Variants in PRMT3 observed in about 807,000 individuals in gnomAD.
PRMT3 encodes the protein protein arginine N-methyltransferase 3.
Under a neutral mutation model 71.9 loss-of-function variants are expected in PRMT3, and 62 were observed. That is an observed-to-expected ratio of 0.86 (90% CI 0.70 to 1.07). PRMT3 has a LOEUF of 1.07. Ranked by LOEUF, PRMT3 falls within the 50% of genes least tolerant of loss-of-function variation. The pLI is 0.00. For missense variants in PRMT3, 663 were observed against 643.0 expected, an observed-to-expected ratio of 1.03 and a Z score of -0.34; for synonymous variants, 213 against 220.4, an observed-to-expected ratio of 0.97 and a Z score of 0.30.
intron 11 of PRMT3, among the ~76,000 whole-genome samples, chr11:20,453,927 A>T (rs1850211020): frequency 1.3e-5 from 2 of 152,170 alleles, no homozygotes; most frequent in South Asian, 4.1e-4. Flanking sequence ...GTCAGTGCTT[A>T]AAAAGTTTTA....
intron 9 of PRMT3, among the ~76,000 whole-genome samples, chr11:20,425,909 G>T (rs534684954): frequency 6.6e-6 from 1 of 152,238 alleles, no homozygotes; most frequent in East Asian, 1.9e-4. Context: ...GAAGTTAAGG[G>T]GTACAATTTC....
At chr11:20,446,406 A>G (rs560022753) in intron 10 of PRMT3, among the ~76,000 whole-genome samples, 21 of 152,118 alleles carry the variant, frequency 1.4e-4, no homozygotes, top group Admixed American at 4.6e-4. Flanking sequence ...AAAATATACA[A>G]ACGTGTATAT....
intron 10 of PRMT3, among the ~76,000 whole-genome samples, chr11:20,436,942 A>T (rs1025551152): frequency 1.3e-5 from 2 of 152,020 alleles, no homozygotes; most frequent in African/African-American, 4.8e-5. Context: ...TTTATTACAG[A>T]TTCAATCTAG....
chr11:20,387,815 C>A lies in PRMT3; in HGVS notation c.28+41C>A. Reference sequence around the variant, plus strand: ...CCTCAGCACCCGGCTCGTCCAGCCCCAGGCCGCGCCGCTGTGGGGCCGGTG... The same window carrying A: ...CCTCAGCACCCGGCTCGTCCAGCCCAAGGCCGCGCCGCTGTGGGGCCGGTG... On this transcript the variant is annotated intron_variant, in intron 1 of 15. Transcript: ENST00000331079. The surrounding 1 kb of genome is among the most constrained non-coding windows in gnomAD (Gnocchi z 4.3). 1 of 1,540,384 alleles carries A rather than the reference C, an allele frequency of 6.5e-7. No individual in the cohort carries two copies. Among genetic ancestry groups the A allele is most frequent in the Non-Finnish European group, 8.7e-7 (1 of 1,145,868 alleles).
chr11:20,457,448 G>T (rs1355072748), intron 11 of PRMT3, among the ~76,000 whole-genome samples: 1 of 152,124 alleles, frequency 6.6e-6, no homozygotes, highest in Non-Finnish European at 1.5e-5. Context: ...AAGAAGACCA[G>T]GTATTTATTT....
In PRMT3 at chr11:20,457,134, T is replaced by TTTTTG. The variant is rs1850283579; in HGVS notation, c.1073-4836_1073-4832dup. Among the ~76,000 whole-genome samples, 4 of 152,240 alleles carry TTTTTG rather than the reference T, an allele frequency of 2.6e-5. No individual in the cohort carries two copies. The South Asian group carries it at 8.3e-4, about 32-fold the overall frequency. ...TGCTTGCTTGCTTTCCTTTTTGGTG[T>TTTTTG]TTTTGTTTTGTTTTTGCCTTGTCAT... On this transcript the variant is annotated intron_variant, in intron 11 of 15. Coordinates refer to ENST00000331079, the MANE Select transcript of PRMT3 (RefSeq NM_005788.4).
chr11:20,474,127 A>G (rs558971269), intron 13 of PRMT3, among the ~76,000 whole-genome samples: 4 of 152,180 alleles, frequency 2.6e-5, no homozygotes, highest in Admixed American at 2.6e-4. Context: ...AGGTGGCTAG[A>G]GACCCCTTTT....
At position 20,397,510 on chromosome 11, in the gene PRMT3, C is replaced by G; in HGVS notation, c.561-67C>G. ...TCCCTCCCCTTTCCTCTTCCTCAACCTCTAGCCTTTCCTTTATTCATGGTC... is the reference window on the plus strand; with the variant it reads ...TCCCTCCCCTTTCCTCTTCCTCAACGTCTAGCCTTTCCTTTATTCATGGTC... On this transcript the variant is annotated intron_variant, in intron 6 of 15. Transcript: ENST00000331079. 3.9e-6 allele frequency: 6 copies of G among 1,534,556 alleles called. No homozygotes were observed. In the East Asian group the frequency reaches 1.1e-4, roughly 29 times the overall value.
intron 10 of PRMT3, among the ~76,000 whole-genome samples, chr11:20,444,346 C>T (rs4497406): frequency 0.012 from 1,763 of 152,118 alleles, 34 homozygotes; most frequent in African/African-American, 0.035. Context: ...CTCTTCTAGG[C>T]GGGATAAAGC....
At chr11:20,415,077 A>G (rs1413439039) in intron 9 of PRMT3, among the ~76,000 whole-genome samples, 1 of 151,398 alleles carries the variant, frequency 6.6e-6, no homozygotes, top group Non-Finnish European at 1.5e-5. Flanking sequence ...ATATTACAAA[A>G]TACACCAGCA....
intron 15 of PRMT3, among the ~76,000 whole-genome samples, chr11:20,504,127 G>T (rs1035168329): frequency 1.3e-5 from 2 of 152,178 alleles, no homozygotes; most frequent in Admixed American, 6.5e-5. Context: ...TGAGATTTCT[G>T]CTCAGATATT....
intron 10 of PRMT3, among the ~76,000 whole-genome samples, chr11:20,444,545 T>C (rs1408568182): frequency 6.6e-6 from 1 of 152,188 alleles, no homozygotes; most frequent in Non-Finnish European, 1.5e-5. Flanking sequence ...AATTTCTAAG[T>C]GTTAAGAAAT....
intron 13 of PRMT3, among the ~76,000 whole-genome samples, chr11:20,487,496 G>C (rs1851103046): frequency 6.6e-6 from 1 of 152,192 alleles, no homozygotes; most frequent in Non-Finnish European, 1.5e-5. Flanking sequence ...TAGGAAAAAT[G>C]AATCTTTGCT....
At chr11:20,494,056 G>C (rs1851275351) in intron 14 of PRMT3, 87 bp downstream of exon 14, 2 of 1,439,498 alleles carry the variant, frequency 1.4e-6, no homozygotes, top group East Asian at 4.6e-5. Flanking sequence ...TTAATCATAA[G>C]CATTTTGCTG....
intron 11 of PRMT3, among the ~76,000 whole-genome samples, chr11:20,461,292 C>T (rs895781522): frequency 6.6e-6 from 1 of 152,210 alleles, no homozygotes; most frequent in East Asian, 1.9e-4. Flanking sequence ...TATCCCTTCT[C>T]CCCTGCTCCA....
chr11:20,489,819 G>T (rs886186903), intron 13 of PRMT3, among the ~76,000 whole-genome samples: 3 of 148,234 alleles, frequency 2.0e-5, no homozygotes, highest in Admixed American at 6.8e-5. Context: ...GCATGCAACT[G>T]TTGTCCCAGC....
rs541539637 is a variant in PRMT3, at chr11:20,391,854, A to G, written c.248-357A>G. ...TTATAATTTGATACACACCATAAAA[A>G]TTAGGGATTTAATACTTTCAGCTCT... On this transcript the variant is annotated intron_variant, in intron 3 of 15. Transcript: ENST00000331079. 7.2e-5 allele frequency among the ~76,000 whole-genome samples: 11 copies of G among 152,338 alleles called. No individual in the cohort carries two copies. In the East Asian group the frequency reaches 2.1e-3, roughly 29 times the overall value.
intron 15 of PRMT3, among the ~76,000 whole-genome samples, chr11:20,501,412 A>T (rs1565241740): frequency 6.6e-6 from 1 of 152,148 alleles, no homozygotes; most frequent in Non-Finnish European, 1.5e-5. Context: ...TCTAGTGTCC[A>T]TATTTGGATG....
intron 15 of PRMT3, among the ~76,000 whole-genome samples, chr11:20,500,594 T>A (rs1443796592): frequency 6.6e-6 from 1 of 152,214 alleles, no homozygotes; most frequent in East Asian, 1.9e-4. Flanking sequence ...TGCTCTTGTA[T>A]AATTAAATTT....
Sources: gnomAD v4.1 joint callset for allele counts (sites outside exome capture counted in the v4.1 genomes callset) on GRCh38, gnomAD v4.1.1 for gene constraint, Gnocchi (gnomAD v3.1) non-coding constraint, MANE v1.5 for transcripts, NCBI Gene and HGNC (gene_info 2026-07-23, HGNC 2026-07-21) for gene names.